Variants in PPP2R5C observed in about 807,000 individuals in gnomAD.
The protein encoded by PPP2R5C is protein phosphatase 2 regulatory subunit B'gamma.
Under a neutral mutation model 68.9 loss-of-function variants are expected in PPP2R5C, and 7 were observed. That is an observed-to-expected ratio of 0.10 (90% confidence interval 0.06 to 0.19). PPP2R5C has a LOEUF of 0.19. PPP2R5C is among the 10% of genes least tolerant of loss of function. PPP2R5C has a pLI of 1.00. For synonymous variants in PPP2R5C, 210 were observed against 222.2 expected, an observed-to-expected ratio of 0.95 and a Z score of 0.49; for missense variants, 348 against 641.3, an observed-to-expected ratio of 0.54 and a Z score of 4.94.
chr14:101,845,467 C>T (rs1175214292), intron 1 of PPP2R5C, among the ~76,000 whole-genome samples: 1 of 151,414 alleles, frequency 6.6e-6, no homozygotes, highest in African/African-American at 2.4e-5. Flanking sequence ...CTCCACTCCA[C>T]CCCACCCTTC....
At chr14:101,912,894 C>G (rs1462580314) in intron 12 of PPP2R5C, among the ~76,000 whole-genome samples, 1 of 152,204 alleles carries the variant, frequency 6.6e-6, no homozygotes, top group Non-Finnish European at 1.5e-5. Context: ...TTGATGTCCT[C>G]TTTCTTTGTA....
chr14:101,839,829 G>A (rs1595339686), intron 1 of PPP2R5C, among the ~76,000 whole-genome samples: 1 of 152,202 alleles, frequency 6.6e-6, no homozygotes, highest in East Asian at 1.9e-4. Flanking sequence ...CTGGACACGG[G>A]GGTGTGGGTA....
chr14:101,866,094 C>T (rs1349323991), intron 2 of PPP2R5C, among the ~76,000 whole-genome samples: 1 of 152,142 alleles, frequency 6.6e-6, no homozygotes, highest in Non-Finnish European at 1.5e-5. Flanking sequence ...AGGGTTTCAC[C>T]ATGTTGGCCA....
intron 1 of PPP2R5C, among the ~76,000 whole-genome samples, chr14:101,829,991 A>AC (rs1424303291): frequency 3.3e-5 from 5 of 152,042 alleles, no homozygotes; most frequent in Non-Finnish European, 7.4e-5. Flanking sequence ...GTCCTCTGTG[A>AC]CCCAAGTTGT....
At chr14:101,884,254 C>T (rs552928282) in intron 5 of PPP2R5C, among the ~76,000 whole-genome samples, 14 of 152,292 alleles carry the variant, frequency 9.2e-5, no homozygotes, top group East Asian at 3.9e-4. Flanking sequence ...CTGGCCGCAC[C>T]GGCAGCTGAT....
intron 1 of PPP2R5C, among the ~76,000 whole-genome samples, chr14:101,811,927 TTGGTTGC>T: frequency 6.6e-6 from 1 of 152,130 alleles, no homozygotes; most frequent in East Asian, 1.9e-4. Context: ...GGTTGGGTGG[TTGGTTGC>T]TTGCTGTATA....
At chr14:101,889,776 G>A (rs934121080) in intron 5 of PPP2R5C, 10 of 350,130 alleles carry the variant, frequency 2.9e-5, no homozygotes, top group African/African-American at 2.2e-4. Context: ...ACCCTTTGCA[G>A]GAACTGTGCT....
chr14:101,867,423 A>G (rs1301568734), intron 2 of PPP2R5C, among the ~76,000 whole-genome samples: 1 of 151,974 alleles, frequency 6.6e-6, no homozygotes, highest in Non-Finnish European at 1.5e-5. Flanking sequence ...AAAAAAATTA[A>G]TAATTATGTA....
chr14:101,853,672 GC>G (rs993534667), intron 1 of PPP2R5C, among the ~76,000 whole-genome samples: 19 of 152,088 alleles, frequency 1.2e-4, no homozygotes, highest in African/African-American at 4.6e-4. Context: ...GGTACATTTG[GC>G]CCTCGTGTCC....
intron 1 of PPP2R5C, among the ~76,000 whole-genome samples, chr14:101,842,026 T>C (rs1027862995): frequency 1.3e-5 from 2 of 151,792 alleles, no homozygotes; most frequent in Admixed American, 1.3e-4. Context: ...ACCTGCAGGT[T>C]CCCCCCACCA....
chr14:101,828,314 G>A (rs2040523760), intron 1 of PPP2R5C, among the ~76,000 whole-genome samples: 4 of 152,140 alleles, frequency 2.6e-5, no homozygotes, highest in Admixed American at 2.0e-4. Flanking sequence ...TTTGAAACTC[G>A]ACAGAGGGCT....
At chr14:101,922,050 G>A (rs759530430) in intron 13 of PPP2R5C, 237 of 985,186 alleles carry the variant, frequency 2.4e-4, no homozygotes, top group Non-Finnish European at 2.8e-4. Flanking sequence ...AAGGTGGGCA[G>A]TGCAGGCTCT....
chr14:101,871,405 G>A (rs986896631), intron 2 of PPP2R5C, among the ~76,000 whole-genome samples: 2 of 151,942 alleles, frequency 1.3e-5, no homozygotes, highest in African/African-American at 2.4e-5. Flanking sequence ...CACCACACCC[G>A]GCTAATTTTG....
chr14:101,831,674 A>T lies in PPP2R5C; in HGVS notation c.94+21638A>T, dbSNP rs140175526. ...GTTTGAACTGCACAGGTCCACTTAT[A>T]TGTGGATTTTTTTCAACCAAATGCA... On this transcript the variant is annotated intron_variant, in intron 1 of 13. Transcript: ENST00000334743. 1.9e-3 allele frequency: 1,301 copies of T among 687,416 alleles called. 25 individuals are homozygous for T. The East Asian group carries it at 0.031, about 17-fold the overall frequency. The allele number at this position is 687,416 out of a possible 1,614,324, so 42.6% of individuals were successfully genotyped here.
intron 3 of PPP2R5C, among the ~76,000 whole-genome samples, chr14:101,794,228 C>T (rs544502474): frequency 2.6e-5 from 4 of 152,260 alleles, no homozygotes; most frequent in African/African-American, 9.6e-5. Context: ...TATTTCTTGG[C>T]TTTCATAGTT....
intron 2 of PPP2R5C, among the ~76,000 whole-genome samples, chr14:101,772,512 C>T (rs1186916555): frequency 2.0e-5 from 3 of 152,112 alleles, no homozygotes; most frequent in Non-Finnish European, 4.4e-5. Context: ...TAAAGTAATG[C>T]GGCTGGGTGC....
At chr14:101,809,804 G>A (rs2039242908), upstream of PPP2R5C, 2 of 1,344,226 alleles carry the variant, frequency 1.5e-6, no homozygotes, top group Non-Finnish European at 1.9e-6. Flanking sequence ...CAATCAGCGA[G>A]CTTCATGCCT....
chr14:101,813,364 CT>C (rs1334326240), intron 1 of PPP2R5C, among the ~76,000 whole-genome samples: 1 of 152,220 alleles, frequency 6.6e-6, no homozygotes, highest in Non-Finnish European at 1.5e-5. Flanking sequence ...TCCAATAAAG[CT>C]TTATTGACAA....
chr14:101,796,733 G>A (rs1213230691), intron 3 of PPP2R5C: 1 of 185,540 alleles, frequency 5.4e-6, no homozygotes, highest in Admixed American at 5.6e-5. Context: ...GCTCTCTCTG[G>A]GTGGCACCCA....
Sources: gnomAD v4.1 joint callset for allele counts (sites outside exome capture counted in the v4.1 genomes callset) on GRCh38, gnomAD v4.1.1 for gene constraint, MANE v1.5 for transcripts, NCBI Gene and HGNC (gene_info 2026-07-23, HGNC 2026-07-21) for gene names.